Variants in STIM2 observed in about 807,000 individuals in gnomAD.
STIM2 encodes the protein stromal interaction molecule 2.
In STIM2, 31 loss-of-function variants were observed where a neutral mutation model predicts 85.8. That is an observed-to-expected ratio of 0.36 (90% CI 0.27 to 0.49). The LOEUF is 0.49. STIM2 is among the 20% of genes least tolerant of loss of function. The pLI is 0.98. For missense variants in STIM2, 841 were observed against 927.6 expected (o/e 0.91, Z 1.21); for synonymous variants, 356 against 331.1 (o/e 1.08, Z -0.82).
chr4:26,890,931 T>C (rs1416841680), intron 1 of STIM2, among the ~76,000 whole-genome samples: 1 of 152,126 alleles, frequency 6.6e-6, no homozygotes, highest in Non-Finnish European at 1.5e-5. Flanking sequence ...AGCCTGTCAG[T>C]AGAGGCTTCA....
intron 2 of STIM2, among the ~76,000 whole-genome samples, chr4:26,939,180 A>ACATCTTGGCATGTG: frequency 1.3e-5 from 2 of 152,220 alleles, no homozygotes; most frequent in East Asian, 3.9e-4. Context: ...TCCTGCCCCT[A>ACATCTTGGCATGTG]CATCTTGGCA....
chr4:26,953,282 CAT>C (rs1292503110), intron 2 of STIM2, among the ~76,000 whole-genome samples: 55 of 152,168 alleles, frequency 3.6e-4, no homozygotes, highest in African/African-American at 1.3e-3. Context: ...CTCATTTATT[CAT>C]GTTTTAAACT....
chr4:26,932,389 A>G (rs957493429), intron 2 of STIM2, among the ~76,000 whole-genome samples: 9 of 152,288 alleles, frequency 5.9e-5, no homozygotes, highest in Admixed American at 5.9e-4. Context: ...TTTCCTGAAA[A>G]TTGATAATTG....
At chr4:26,918,702 GGTT>G (rs1029510820) in intron 1 of STIM2, among the ~76,000 whole-genome samples, 5 of 152,134 alleles carry the variant, frequency 3.3e-5, no homozygotes, top group African/African-American at 1.2e-4. Context: ...TTGGTATATA[GGTT>G]GTTAGCTAGT....
chr4:26,894,859 A>C (rs545653770), intron 1 of STIM2, among the ~76,000 whole-genome samples: 1 of 152,308 alleles, frequency 6.6e-6, no homozygotes, highest in Non-Finnish European at 1.5e-5. Flanking sequence ...GGTTCTATTA[A>C]ATTGATTTGG....
intron 1 of STIM2, among the ~76,000 whole-genome samples, chr4:26,891,571 A>G (rs1398101059): frequency 2.0e-5 from 3 of 146,884 alleles, no homozygotes; most frequent in Non-Finnish European, 3.0e-5. Context: ...ACACACACAC[A>G]CACACACACA....
At chr4:26,958,352 AACTC>A (rs533904137) in intron 3 of STIM2, among the ~76,000 whole-genome samples, 2 of 152,314 alleles carry the variant, frequency 1.3e-5, no homozygotes, top group Admixed American at 1.3e-4. Flanking sequence ...TGTTTTCAGT[AACTC>A]AACTAAAATT....
intron 1 of STIM2, among the ~76,000 whole-genome samples, chr4:26,878,592 T>G (rs1001864599): frequency 1.8e-4 from 28 of 152,226 alleles, no homozygotes; most frequent in African/African-American, 6.0e-4. Context: ...TATCTCTTTT[T>G]CTTTTCCTTC....
At chr4:26,934,577 ATTAGTTCTGATAC>A (rs1725326300) in intron 2 of STIM2, among the ~76,000 whole-genome samples, 1 of 152,226 alleles carries the variant, frequency 6.6e-6, no homozygotes, top group African/African-American at 2.4e-5. Flanking sequence ...TATGATTAAA[ATTAGTTCTGATAC>A]TTGTGATACC....
intron 9 of STIM2, 61 bp downstream of exon 9, chr4:27,008,589 G>C: frequency 7.9e-7 from 1 of 1,258,538 alleles, no homozygotes; most frequent in South Asian, 1.4e-5. Context: ...TGAGTAATTT[G>C]TGAACAATTT....
rs555695688 is a variant in STIM2, at chr4:27,010,313, G to A, written c.1489+1311G>A. 1.5e-4 allele frequency among the ~76,000 whole-genome samples: 23 copies of A among 152,092 alleles called. 1 individual carries two copies. In the South Asian group the frequency reaches 4.8e-3, roughly 32 times the overall value. On this transcript the variant is annotated intron_variant, in intron 10 of 11. Transcript: ENST00000467087. ...ACAAAAATTAGCTGGGCGTGGTGGT[G>A]TGCGCCTGTAATCTCAGCTACTCGG...
chr4:27,007,316 A>ATTTT (rs370537485), intron 7 of STIM2, among the ~76,000 whole-genome samples: 1 of 140,080 alleles, frequency 7.1e-6, no homozygotes, highest in South Asian at 2.2e-4. Context: ...CTCAGCCTTC[A>ATTTT]TTTTTTTTTT....
At chr4:26,863,095 C>T (rs903407868) in intron 1 of STIM2, among the ~76,000 whole-genome samples, 2 of 128,912 alleles carry the variant, frequency 1.6e-5, no homozygotes, top group Non-Finnish European at 3.4e-5. Flanking sequence ...TAGATCACAT[C>T]AAGAAAATTG....
intron 11 of STIM2, chr4:27,021,361 G>A: frequency 5.0e-6 from 2 of 396,282 alleles, no homozygotes; most frequent in South Asian, 3.9e-5. Context: ...TTCAGACAAG[G>A]TGGTTAGGGC....
intron 1 of STIM2, among the ~76,000 whole-genome samples, chr4:26,886,981 G>A (rs1360436559): frequency 6.6e-6 from 1 of 152,080 alleles, no homozygotes; most frequent in Admixed American, 6.6e-5. Flanking sequence ...GCTATATGTG[G>A]ATGCTAAATA....
At chr4:26,910,086 G>T (rs2109058732) in intron 1 of STIM2, among the ~76,000 whole-genome samples, 1 of 152,286 alleles carries the variant, frequency 6.6e-6, no homozygotes, top group East Asian at 1.9e-4. Flanking sequence ...TGGAAACCAG[G>T]AGTCAAGAAA....
chr4:26,940,545 T>G (rs763049260), intron 2 of STIM2, among the ~76,000 whole-genome samples: 101 of 152,268 alleles, frequency 6.6e-4, no homozygotes, highest in Admixed American at 4.3e-3. Flanking sequence ...AAATGTGGTG[T>G]TGTTTTTATT....
At chr4:26,895,862 T>C (rs1458648497) in intron 1 of STIM2, among the ~76,000 whole-genome samples, 3 of 152,224 alleles carry the variant, frequency 2.0e-5, no homozygotes, top group African/African-American at 7.2e-5. Context: ...TCAAACTCAG[T>C]GTGTTAGTTT....
chr4:26,874,415 G>C (rs1018095817), intron 1 of STIM2: 1 of 194,990 alleles, frequency 5.1e-6, no homozygotes, highest in Non-Finnish European at 1.1e-5. Context: ...CCGACGCCAA[G>C]TACTGTAAAG....
Sources: gnomAD v4.1 joint callset for allele counts (sites outside exome capture counted in the v4.1 genomes callset) on GRCh38, gnomAD v4.1.1 for gene constraint, MANE v1.5 for transcripts, NCBI Gene and HGNC (gene_info 2026-07-23, HGNC 2026-07-21) for gene names.